The following HMMR variants were observed in gnomAD, a reference collection of about 807,000 sequenced individuals.
HMMR encodes intracellular hyaluronic acid-binding protein.
A neutral mutation model predicts 101.0 loss-of-function variants in HMMR; 108 were observed. The observed-to-expected ratio is 1.07, with a 90% CI of 0.92 to 1.25. HMMR has a LOEUF of 1.25. HMMR is among the 50% of genes most tolerant of loss of function. HMMR has a pLI of 0.00. For synonymous variants in HMMR, 296 were observed against 276.4 expected (o/e 1.07, Z -0.70); for missense variants, 813 against 788.7 (o/e 1.03, Z -0.37).
Position 163,483,122 on chromosome 5 carries a change from C to T in HMMR, c.1635C>T (p.Leu545=), listed in dbSNP as rs138111627. 1 of 1,612,562 alleles carries T rather than the reference C, an allele frequency of 6.2e-7. No homozygotes were observed. The highest frequency in any genetic ancestry group is 1.3e-5 in the African/African-American group (1 of 74,772). Residue 545 remains leucine (L), a synonymous_variant, in exon 14 of 18, where the codon CTC becomes CTT. Transcript: ENST00000393915. The stretch of plus-strand genomic sequence containing the variant: ...AAATAACTGATTTGCAGAACCAACT[C>T]AAGCAACAGGAGGAAGACTTTAGAA... ...LQKITDLQNQ[L]KQQEEDFRKQ...
At position 163,483,248 on chromosome 5, in the gene HMMR, A is replaced by T; in HGVS notation, c.1686-20A>T. 6.3e-7 allele frequency: 1 copy of T among 1,595,982 alleles called. No homozygotes were observed. The highest frequency in any genetic ancestry group is 1.1e-5 in the South Asian group (1 of 89,164). On this transcript the variant is annotated intron_variant, in intron 14 of 17. Transcript: ENST00000393915. Reference sequence around the variant, plus strand: ...TTTTTTAAATAACTATGTTTTTCTCAATTTAATTCTTCCATGCAGAAAAGC... The same window carrying T: ...TTTTTTAAATAACTATGTTTTTCTCTATTTAATTCTTCCATGCAGAAAAGC...
Position 163,471,423 on chromosome 5 carries a change from G to T in HMMR, c.610G>T (p.Glu204Ter). ...GCTGCAGGTCACCCAAAGGAGTCTC[G>T]AAGAGTCTCAAGGGAAAATAGCCCA... ...MKLQVTQRSL[E>*]ESQGKIAQLE... is the part of the protein sequence containing the mutation. The change falls in exon 7 of 18, where the codon GAA becomes TAA. Residue 204 changes from glutamate (E) to a stop codon, truncating the protein, a stop_gained. Transcript: ENST00000393915. LOFTEE classifies it high-confidence loss of function. The T allele has an allele frequency of 1.2e-6, 2 of 1,613,908 alleles. No homozygotes were observed. The highest frequency in any genetic ancestry group is 1.7e-6 in the Non-Finnish European group (2 of 1,179,914).
intron 3 of HMMR, 147 bp downstream of exon 3, chr5:163,464,949 C>T: frequency 1.7e-6 from 1 of 601,016 alleles, no homozygotes; most frequent in Non-Finnish European, 2.9e-6. Flanking sequence ...CATTAGAACT[C>T]TAGCAAGTTT....
chr5:163,467,782 CAT>C (rs747794669), intron 4 of HMMR, 34 bp downstream of exon 4: 7 of 1,253,862 alleles, frequency 5.6e-6, no homozygotes, highest in South Asian at 1.2e-5. Flanking sequence ...GAAAAGTACA[CAT>C]GATAGAAAGA....
chr5:163,490,304 T>G, intron 16 of HMMR, 86 bp from the exon 17 acceptor site: 1 of 850,586 alleles, frequency 1.2e-6, no homozygotes, highest in East Asian at 2.6e-5. Flanking sequence ...ATAAACAACT[T>G]TGGAATTTGC....
Position 163,469,751 on chromosome 5 carries a change from A to T in HMMR, c.384A>T (p.Thr128=). ...ARLNAALREK[T]SLSANNATLE... is the part of the protein sequence containing the mutation. ...TAAATGCTGCACTAAGGGAAAAAAC[A>T]TCTCTCTCTGCAAATAATGCTACAC... The change falls in exon 5 of 18, where the codon ACA becomes ACT. Residue 128 remains threonine, a synonymous_variant. Transcript: ENST00000393915. 1 of 1,612,944 alleles carries T rather than the reference A, an allele frequency of 6.2e-7. No individual in the cohort carries two copies. The highest frequency in any genetic ancestry group is 8.5e-7 in the Non-Finnish European group (1 of 1,178,932).
chr5:163,465,009 T>C, intron 3 of HMMR: 1 of 520,346 alleles, frequency 1.9e-6, no homozygotes. Flanking sequence ...AGTTCACAAT[T>C]ATAATGGTCT....
chr5:163,482,241 C>T (rs544380951), intron 12 of HMMR, among the ~76,000 whole-genome samples: 3 of 152,248 alleles, frequency 2.0e-5, no homozygotes, highest in South Asian at 4.1e-4. Context: ...TAATGGTTCC[C>T]GTCTGTCCGC....
chr5:163,482,559 T>G (rs1211930116), intron 12 of HMMR, 83 bp from the exon 13 acceptor site: 9 of 983,472 alleles, frequency 9.2e-6, no homozygotes, highest in Non-Finnish European at 1.6e-6. Context: ...TACTTAGAAG[T>G]ATATAAAGTG....
intron 10 of HMMR, among the ~76,000 whole-genome samples, chr5:163,474,871 G>A (rs1365325608): frequency 6.6e-6 from 1 of 151,962 alleles, no homozygotes; most frequent in African/African-American, 2.4e-5. Context: ...CACTGACCTG[G>A]AAAGATTTCA....
intron 1 of HMMR, 111 bp from the exon 2 acceptor site, chr5:163,463,745 A>G: frequency 2.2e-6 from 1 of 455,394 alleles, no homozygotes; most frequent in Non-Finnish European, 3.9e-6. Context: ...ATTTAAAAAA[A>G]GCAGTTTGTT....
At chr5:163,489,834 C>T (rs971494827) in intron 16 of HMMR, among the ~76,000 whole-genome samples, 2 of 152,168 alleles carry the variant, frequency 1.3e-5, no homozygotes, top group Admixed American at 1.3e-4. Context: ...GCTTCTGACT[C>T]GGAGTTGGGG....
At chr5:163,477,929 A>G (rs1292900524) in intron 11 of HMMR, among the ~76,000 whole-genome samples, 2 of 152,134 alleles carry the variant, frequency 1.3e-5, no homozygotes, top group African/African-American at 4.8e-5. Flanking sequence ...TATTTTTGAA[A>G]TCCGGCACTT....
intron 12 of HMMR, among the ~76,000 whole-genome samples, chr5:163,481,616 A>G (rs1381250670): frequency 6.6e-6 from 1 of 152,140 alleles, no homozygotes; most frequent in African/African-American, 2.4e-5. Flanking sequence ...TATTGTAATC[A>G]GTGACATCAT....
Position 163,460,646 on chromosome 5 carries a change from T to A in HMMR, c.-47T>A. 6.4e-7 allele frequency: 1 copy of A among 1,559,106 alleles called. No individual in the cohort carries two copies. Among genetic ancestry groups the A allele is most frequent in the Non-Finnish European group, 8.8e-7 (1 of 1,142,082 alleles). Reference sequence around the variant, plus strand: ...TAGGGAGTGATAATCCGCATTCAGTTGTCGAGGAGTGCCAGTCACCTTCAG... The same window carrying A: ...TAGGGAGTGATAATCCGCATTCAGTAGTCGAGGAGTGCCAGTCACCTTCAG... On this transcript the variant is annotated 5_prime_UTR_variant, in exon 1 of 18. Transcript: ENST00000393915.
At chr5:163,468,238 G>T (rs565677830) in intron 4 of HMMR, among the ~76,000 whole-genome samples, 2 of 152,232 alleles carry the variant, frequency 1.3e-5, no homozygotes, top group Admixed American at 1.3e-4. Flanking sequence ...GTTTGATATG[G>T]TAGCTACTCA....
At chr5:163,474,852 A>G (rs1020385136) in intron 10 of HMMR, among the ~76,000 whole-genome samples, 1 of 152,094 alleles carries the variant, frequency 6.6e-6, no homozygotes, top group Non-Finnish European at 1.5e-5. Context: ...AATTGAGTAG[A>G]TCTATATACA....
Position 163,484,222 on chromosome 5 carries a change from G to A in HMMR, c.1939G>A (p.Asp647Asn), listed in dbSNP as rs752979421. The A allele has an allele frequency of 1.4e-5, 22 of 1,597,310 alleles. No individual in the cohort carries two copies. In the South Asian group the frequency reaches 2.2e-4, roughly 16 times the overall value. The change falls in exon 16 of 18, where the codon GAT becomes AAT. Residue 647 changes from aspartate (D) to asparagine (N), a missense_variant. Transcript: ENST00000393915. Reference sequence around the variant, plus strand: ...AATCAAGCATGTTGTGAAGTTGAAAGATGAAAATAGCCAACTCAAATCGGT... The same window carrying A: ...AATCAAGCATGTTGTGAAGTTGAAAAATGAAAATAGCCAACTCAAATCGGT... The part of the protein sequence containing the change: ...QKIKHVVKLK[D>N]ENSQLKSEVS...
chr5:163,468,060 C>T (rs1182768335), intron 4 of HMMR, among the ~76,000 whole-genome samples: 6 of 152,232 alleles, frequency 3.9e-5, no homozygotes, highest in Non-Finnish European at 8.8e-5. Flanking sequence ...CCATCGTTCA[C>T]AGTCTTCCTG....
Sources: gnomAD v4.1 joint callset for allele counts (sites outside exome capture counted in the v4.1 genomes callset) on GRCh38, gnomAD v4.1.1 for gene constraint, MANE v1.5 for transcripts, NCBI Gene and HGNC (gene_info 2026-07-23, HGNC 2026-07-21) for gene names.